Variants in TCERG1L observed in about 807,000 individuals in gnomAD.
TCERG1L encodes the protein transcription elongation regulator 1 like, also known as transcription elongation regulator 1-like protein.
TCERG1L carries 37 observed loss-of-function variants against 56.3 expected under a neutral mutation model. The observed-to-expected ratio is 0.66, with a 90% CI of 0.51 to 0.87. The LOEUF (loss-of-function observed/expected upper bound fraction) is 0.87, where lower values mean the gene tolerates loss of function less well. Among genes scored for constraint, TCERG1L ranks in the 40% least tolerant of loss-of-function variants. The probability of loss-of-function intolerance (pLI) is 0.00; values close to 1 mark genes in which losing one functional copy is unlikely to be tolerated. For synonymous variants in TCERG1L, 324 were observed against 326.3 expected (o/e 0.99, Z 0.08); for missense variants, 799 against 774.2 (o/e 1.03, Z -0.38).
At chr10:131,159,637 C>T (rs185171058) in intron 6 of TCERG1L, among the ~76,000 whole-genome samples, 32 of 152,270 alleles carry the variant, frequency 2.1e-4, no homozygotes, top group African/African-American at 6.3e-4. Flanking sequence ...ATAAGCGAGA[C>T]GGAAGCAGAT....
rs894189863 is a variant in TCERG1L, at chr10:131,092,670, T to A, written c.*492A>T. The A allele has an allele frequency of 6.5e-6, 1 of 153,100 alleles. No homozygotes were observed. Among genetic ancestry groups the A allele is most frequent in the Admixed American group, 6.5e-5 (1 of 15,344 alleles). 9.5% of individuals were successfully genotyped at this position (153,100 alleles called of 1,614,324 possible). A position where few individuals can be genotyped will look rare whatever the true frequency, so the allele number is the denominator to read the frequency against. On this transcript the variant is annotated 3_prime_UTR_variant, in exon 12 of 12. Transcript: ENST00000368642. ...GGAATGCTCACAGTTGTCACTATGA[T>A]GAATGATGAAAACCCTATTGCTGCT...
At position 131,230,366 on chromosome 10, in the gene TCERG1L, C is replaced by T. The variant is rs376909646; in HGVS notation, c.856+29893G>A. Among the ~76,000 whole-genome samples, 62 of 152,334 alleles carry T rather than the reference C, an allele frequency of 4.1e-4. No individual in the cohort carries two copies. The East Asian group carries it at 8.5e-3, about 21-fold the overall frequency. ...GACCCAGCTTTCCCGTGGCCCCTTC[C>T]GCCTCCTGGGTGACCGCAGCACGTG... On this transcript the variant is annotated intron_variant, in intron 4 of 11. Transcript: ENST00000368642.
At chr10:131,115,522 T>A (rs1845450605) in intron 9 of TCERG1L, among the ~76,000 whole-genome samples, 1 of 152,250 alleles carries the variant, frequency 6.6e-6, no homozygotes, top group Non-Finnish European at 1.5e-5. Context: ...CACGCGCGCG[T>A]CCACGTCGCG....
At chr10:131,220,188 C>A (rs1316959264) in intron 4 of TCERG1L, among the ~76,000 whole-genome samples, 2 of 152,188 alleles carry the variant, frequency 1.3e-5, no homozygotes, top group African/African-American at 4.8e-5. Context: ...GGACAGCCCC[C>A]CAACATCCCC....
chr10:131,191,547 A>T (rs1371995376), intron 4 of TCERG1L, among the ~76,000 whole-genome samples: 1 of 143,516 alleles, frequency 7.0e-6, no homozygotes, highest in East Asian at 1.9e-4. Context: ...ACATAGACCA[A>T]TGGAACAGAA....
At chr10:131,279,498 A>C (rs1226076098) in intron 3 of TCERG1L, among the ~76,000 whole-genome samples, 2 of 152,194 alleles carry the variant, frequency 1.3e-5, no homozygotes, top group East Asian at 3.9e-4. Context: ...GGGGCCAAAA[A>C]AATCTAGCCT....
chr10:131,285,484 GAA>G (rs545337082), intron 3 of TCERG1L, among the ~76,000 whole-genome samples: 1,499 of 17,596 alleles, frequency 0.085, 42 homozygotes, highest in Middle Eastern at 0.16. Context: ...AAGAAAGAAA[GAA>G]AGAAAGAAAG....
chr10:131,306,809 G>A (rs953275669), intron 3 of TCERG1L, among the ~76,000 whole-genome samples: 1 of 152,078 alleles, frequency 6.6e-6, no homozygotes, highest in African/African-American at 2.4e-5. Flanking sequence ...TCTATGAGAG[G>A]TGGCCATAAG....
chr10:131,169,287 C>T (rs1846064554), intron 4 of TCERG1L, among the ~76,000 whole-genome samples: 1 of 129,590 alleles, frequency 7.7e-6, no homozygotes, highest in Non-Finnish European at 1.7e-5. Flanking sequence ...CACAGCCATG[C>T]CCTGGGGAAC....
intron 10 of TCERG1L, among the ~76,000 whole-genome samples, chr10:131,102,588 T>G (rs571710321): frequency 9.2e-5 from 14 of 152,300 alleles, no homozygotes; most frequent in African/African-American, 2.6e-4. Flanking sequence ...GACACCAACA[T>G]GGGGGCCCCT....
chr10:131,297,876 G>C (rs1564836504), intron 3 of TCERG1L, among the ~76,000 whole-genome samples: 2 of 151,954 alleles, frequency 1.3e-5, no homozygotes, highest in Admixed American at 6.6e-5. Context: ...CCTATTGCAT[G>C]GTTAGTGTTA....
chr10:131,311,221 C>T lies in TCERG1L; in HGVS notation c.342+73G>A. 4.4e-6 allele frequency: 5 copies of T among 1,139,042 alleles called. No homozygotes were observed. The highest frequency in any genetic ancestry group is 5.4e-6 in the Non-Finnish European group (5 of 918,362). The allele number at this position is 1,139,042 out of a possible 1,614,324, so 70.6% of individuals were successfully genotyped here. A position where few individuals can be genotyped will look rare whatever the true frequency, so the allele number is the denominator to read the frequency against. On this transcript the variant is annotated intron_variant, in intron 1 of 11. Transcript: ENST00000368642. The surrounding 1 kb of genome is among the most constrained non-coding windows in gnomAD (Gnocchi z 4.0). ...AGGGCGCGCGAGCCGGAGGCCAGAGCCGGGCCGGGCAGGGCGCGCCCAGGA... is the reference window on the plus strand; with the variant it reads ...AGGGCGCGCGAGCCGGAGGCCAGAGTCGGGCCGGGCAGGGCGCGCCCAGGA...
chr10:131,227,247 G>A (rs1845800009), intron 4 of TCERG1L, among the ~76,000 whole-genome samples: 1 of 152,248 alleles, frequency 6.6e-6, no homozygotes, highest in African/African-American at 2.4e-5. Context: ...CACCATGGGA[G>A]GCCCCCAGCT....
At chr10:131,128,625 C>A (rs1845588091) in intron 8 of TCERG1L, among the ~76,000 whole-genome samples, 1 of 152,124 alleles carries the variant, frequency 6.6e-6, no homozygotes, top group Non-Finnish European at 1.5e-5. Context: ...AGGAAAGAAT[C>A]AAGTGTTTAT....
intron 4 of TCERG1L, among the ~76,000 whole-genome samples, chr10:131,177,180 AC>A (rs1845105374): frequency 6.6e-6 from 1 of 151,554 alleles, no homozygotes; most frequent in Admixed American, 6.6e-5. Context: ...ACACACACAG[AC>A]ATGCACACAC....
At chr10:131,247,691 T>TC (rs1441469268) in intron 4 of TCERG1L, among the ~76,000 whole-genome samples, 1 of 148,628 alleles carries the variant, frequency 6.7e-6, no homozygotes, top group Non-Finnish European at 1.5e-5. Flanking sequence ...CCCTTCTCTG[T>TC]CCCCATCATC....
chr10:131,301,094 C>T (rs1315807163), intron 3 of TCERG1L, among the ~76,000 whole-genome samples: 1 of 152,052 alleles, frequency 6.6e-6, no homozygotes, highest in Non-Finnish European at 1.5e-5. Flanking sequence ...TCCTATATGT[C>T]CCTCTCCTTC....
chr10:131,140,621 G>A (rs1024402842), intron 7 of TCERG1L, among the ~76,000 whole-genome samples: 9 of 152,140 alleles, frequency 5.9e-5, no homozygotes, highest in East Asian at 1.9e-4. Context: ...TCCTGGGCAC[G>A]AAGAGGGGCA....
At chr10:131,270,644 G>A (rs759326369) in intron 3 of TCERG1L, among the ~76,000 whole-genome samples, 12 of 152,328 alleles carry the variant, frequency 7.9e-5, no homozygotes, top group Admixed American at 2.6e-4. Context: ...CGTTGCTGGC[G>A]TTTGCATTGT....
Sources: gnomAD v4.1 joint callset for allele counts (sites outside exome capture counted in the v4.1 genomes callset) on GRCh38, gnomAD v4.1.1 for gene constraint, Gnocchi (gnomAD v3.1) non-coding constraint, MANE v1.5 for transcripts, NCBI Gene and HGNC (gene_info 2026-07-23, HGNC 2026-07-21) for gene names.